Variants in ARHGAP30 observed in about 807,000 individuals in gnomAD.
ARHGAP30 encodes Rho GTPase activating protein 30, also known as rho GTPase-activating protein 30.
ARHGAP30 carries 23 observed loss-of-function variants against 72.0 expected under a neutral mutation model. That is an observed-to-expected ratio of 0.32 (90% CI 0.23 to 0.45). The LOEUF (loss-of-function observed/expected upper bound fraction) is 0.45. ARHGAP30 is among the 20% of genes least tolerant of loss of function. The pLI is 1.00. For missense variants in ARHGAP30, 1,319 were observed against 1,383.4 expected, an observed-to-expected ratio of 0.95 and a Z score of 0.74; for synonymous variants, 576 against 528.2, an observed-to-expected ratio of 1.09 and a Z score of -1.24.
Position 161,051,342 on chromosome 1 carries a change from A to G in ARHGAP30, c.1392T>C (p.Pro464=), listed in dbSNP as rs144785706. The change falls in exon 10 of 12, where the codon CCT becomes CCC. Residue 464 remains proline, a synonymous_variant. Coordinates refer to ENST00000368013, the MANE Select transcript of ARHGAP30 (RefSeq NM_001025598.2). ...HRPSPASGPG[P]GPGLGPGPPD... is the part of the protein sequence containing the mutation. ...GGGGGCCAGGGCCAAGGCCAGGGCC[A>G]GGGCCAGGGCCAGAGGCAGGGCTTG... The G allele has an allele frequency of 5.8e-5, 93 of 1,609,548 alleles. No homozygotes were observed. Among genetic ancestry groups the G allele is most frequent in the African/African-American group, 4.0e-4 (30 of 75,042 alleles).
intron 6 of ARHGAP30, 179 bp downstream of exon 6, chr1:161,053,079 A>T: frequency 1.0e-6 from 1 of 987,698 alleles, no homozygotes; most frequent in Non-Finnish European, 1.5e-6. Flanking sequence ...CCCTAGACTG[A>T]CAGCAGAAGA....
At chr1:161,057,395 A>G (rs1651957652) in intron 2 of ARHGAP30, among the ~76,000 whole-genome samples, 1 of 152,246 alleles carries the variant, frequency 6.6e-6, no homozygotes, top group South Asian at 2.1e-4. Context: ...AAGGGTTTGA[A>G]TAAACATGGT....
At chr1:161,052,240 C>T in intron 9 of ARHGAP30, 46 bp downstream of exon 9, 1 of 1,603,280 alleles carries the variant, frequency 6.2e-7, no homozygotes, top group Non-Finnish European at 8.5e-7. Flanking sequence ...CCACGCTGGT[C>T]ACATAGCACA....
rs1650940384 is a variant in ARHGAP30, at chr1:161,047,544, A to T, written c.*171T>A. 2 of 552,294 alleles carry T rather than the reference A, an allele frequency of 3.6e-6. No homozygotes were observed. Among genetic ancestry groups the T allele is most frequent in the Middle Eastern group, 5.2e-4 (1 of 1,914 alleles). 34.2% of individuals were successfully genotyped at this position (552,294 alleles called of 1,614,324 possible). A position where few individuals can be genotyped will look rare whatever the true frequency, so the allele number is the denominator to read the frequency against. ...AGTGCTTTGTGTCGGAGACAAGTTC[A>T]GGTAAACCAACCAAGGCAGTGCCTC... On this transcript the variant is annotated 3_prime_UTR_variant, in exon 12 of 12. Transcript: ENST00000368013.
In ARHGAP30 at chr1:161,048,412, A is replaced by G. The variant is rs779122532; in HGVS notation, c.2609T>C (p.Leu870Pro). 1.2e-6 allele frequency: 2 copies of G among 1,614,106 alleles called. No individual in the cohort carries two copies. The highest frequency in any genetic ancestry group is 8.5e-7 in the Non-Finnish European group (1 of 1,180,008). Residue 870 changes from leucine (L) to proline (P), a missense_variant, in exon 12 of 12, where the codon CTG (leucine) becomes CCG (proline). By Grantham distance (98) the Leu-to-Pro change is moderately conservative. Transcript: ENST00000368013. Reference protein sequence around the residue: ...TLSEGSGVASLEVDCAKEGNP... With the variant: ...TLSEGSGVASPEVDCAKEGNP... The stretch of plus-strand genomic sequence containing the variant: ...GCCCTCTTTGGCACAGTCAACCTCC[A>G]GGGACGCTACACCTGAACCTTCAGA...
intron 1 of ARHGAP30, among the ~76,000 whole-genome samples, chr1:161,068,586 A>G (rs1652932112): frequency 6.6e-6 from 1 of 152,140 alleles, no homozygotes; most frequent in South Asian, 2.1e-4. Context: ...GGAGTGGGGA[A>G]AGAATTATGC....
chr1:161,048,287 G>A lies in ARHGAP30; in HGVS notation c.2734C>T (p.Pro912Ser). 1 of 1,614,160 alleles carries A rather than the reference G, an allele frequency of 6.2e-7. No homozygotes were observed. The highest frequency in any genetic ancestry group is 8.5e-7 in the Non-Finnish European group (1 of 1,180,010). ...ACGCCACCCAGGCCAAGAGAACAGG[G>A]GCATAGACAGCCGTCTGGACTGGGC... is the stretch of plus-strand genomic sequence containing the variant. ...GQPSPDGCLC[P>S]CSLGLGGVGM... is the part of the protein sequence containing the mutation. Residue 912 changes from proline (P) to serine (S), a missense_variant, in exon 12 of 12, where the codon CCC (proline) becomes TCC (serine). Physicochemically the swap from Pro to Ser is moderately conservative, Grantham distance 74 (BLOSUM62 -1). Coordinates refer to ENST00000368013, the MANE Select transcript of ARHGAP30 (RefSeq NM_001025598.2).
chr1:161,066,692 C>T (rs961571689), intron 1 of ARHGAP30, among the ~76,000 whole-genome samples: 3 of 139,380 alleles, frequency 2.2e-5, no homozygotes, highest in Non-Finnish European at 4.5e-5. Flanking sequence ...GGCAATTGTA[C>T]GACACTGAAA....
Position 161,050,934 on chromosome 1 carries a change from G to A in ARHGAP30, c.1420+380C>T, listed in dbSNP as rs373147001. On this transcript the variant is annotated intron_variant, in intron 10 of 11. Coordinates refer to ENST00000368013, the MANE Select transcript of ARHGAP30 (RefSeq NM_001025598.2). ...TGGGTTTACAGGCATGAGCCACGGCGCCTGGCTGGTACTTAATAAACTCTT... is the reference window on the plus strand; with the variant it reads ...TGGGTTTACAGGCATGAGCCACGGCACCTGGCTGGTACTTAATAAACTCTT... Among the ~76,000 whole-genome samples the A allele has an allele frequency of 6.6e-4, 101 of 152,324 alleles. 2 individuals are homozygous for A. The South Asian group carries it at 0.016, about 24-fold the overall frequency.
At chr1:161,061,037 C>G (rs1053143934) in intron 1 of ARHGAP30, among the ~76,000 whole-genome samples, 1 of 151,546 alleles carries the variant, frequency 6.6e-6, no homozygotes, top group Non-Finnish European at 1.5e-5. Context: ...TTACTTAACA[C>G]TCTACATAAG....
Position 161,047,631 on chromosome 1 carries a change from A to C in ARHGAP30, c.*84T>G, listed in dbSNP as rs1650951054. The stretch of plus-strand genomic sequence containing the variant: ...ATAGAGTTGGGCACTACAGCTGCTC[A>C]TGCTGCAGAGGAGACAGCTAGTCAG... On this transcript the variant is annotated 3_prime_UTR_variant, in exon 12 of 12. Transcript: ENST00000368013. The C allele has an allele frequency of 1.4e-6, 2 of 1,411,814 alleles. No individual in the cohort carries two copies. Among genetic ancestry groups the C allele is most frequent in the Non-Finnish European group, 1.9e-6 (2 of 1,057,476 alleles). 87.5% of individuals were successfully genotyped at this position (1,411,814 alleles called of 1,614,324 possible).
chr1:161,064,825 AAGAAAGAG>A lies in ARHGAP30; in HGVS notation c.97+4695_97+4702del, dbSNP rs771919331. Among the ~76,000 whole-genome samples, 13 of 56,658 alleles carry A rather than the reference AAGAAAGAG, an allele frequency of 2.3e-4. No individual in the cohort carries two copies. The South Asian group carries it at 3.2e-3, about 14-fold the overall frequency. 37.2% of individuals were successfully genotyped at this position (56,658 alleles called of 152,430 possible). ...AAAGAAAGAAAGAAAGAAAGAAAGA[AAGAAAGAG>A]AAAGAAAGAAAGAAAGGAAAGGAAG... On this transcript the variant is annotated intron_variant, in intron 1 of 11. Transcript: ENST00000368013.
chr1:161,063,214 A>T (rs1652453308), intron 1 of ARHGAP30, among the ~76,000 whole-genome samples: 1 of 152,248 alleles, frequency 6.6e-6, no homozygotes, highest in Non-Finnish European at 1.5e-5. Flanking sequence ...CATCTGGCAC[A>T]ATGTTGAAAC....
At chr1:161,063,497 C>T (rs1329872607) in intron 1 of ARHGAP30, among the ~76,000 whole-genome samples, 1 of 152,202 alleles carries the variant, frequency 6.6e-6, no homozygotes, top group Admixed American at 6.5e-5. Flanking sequence ...TCTCTTAATC[C>T]TGTCAGCCAA....
Position 161,052,673 on chromosome 1 carries a change from G to A in ARHGAP30, c.789C>T (p.Pro263=), listed in dbSNP as rs149842140. The A allele has an allele frequency of 2.4e-5, 38 of 1,613,736 alleles. No individual in the cohort carries two copies. Among genetic ancestry groups the A allele is most frequent in the Non-Finnish European group, 2.9e-5 (34 of 1,179,982 alleles). ...LPSILQAGDG[P]PQMRPYHTII... ...TAGTATGGTAGGGCCGCATCTGTGG[G>A]GGTCCATCGCCAGCCTGCAGTATGC... Residue 263 remains proline (P), a synonymous_variant, in exon 7 of 12, where the codon CCC becomes CCT. Coordinates refer to ENST00000368013, the MANE Select transcript of ARHGAP30 (RefSeq NM_001025598.2).
In ARHGAP30 at chr1:161,047,936, G is replaced by A; in HGVS notation, c.3085C>T (p.Leu1029Phe). 6.2e-7 allele frequency: 1 copy of A among 1,613,686 alleles called. No individual in the cohort carries two copies. Among genetic ancestry groups the A allele is most frequent in the Non-Finnish European group, 8.5e-7 (1 of 1,179,816 alleles). The change falls in exon 12 of 12, where the codon CTC becomes TTC. Residue 1029 changes from leucine to phenylalanine, a missense_variant. By Grantham distance (22) the Leu-to-Phe change is conservative (BLOSUM62 0). This residue lies in a region of ARHGAP30 where 1,097 missense variants were observed against 1,045.2 expected (regional missense o/e 1.05). Coordinates refer to ENST00000368013, the MANE Select transcript of ARHGAP30 (RefSeq NM_001025598.2). ...CTACAAGGGGAGGTTCTGGGGATGA[G>A]GCAGTAATCCCCACCCTCAGTACAG... is the stretch of plus-strand genomic sequence containing the variant. The part of the protein sequence containing the change: ...QTCTEGGDYC[L>F]IPRTSPCSMI...
At chr1:161,051,218 G>A in intron 10 of ARHGAP30, 96 bp downstream of exon 10, 2 of 1,490,600 alleles carry the variant, frequency 1.3e-6, no homozygotes, top group Non-Finnish European at 1.8e-6. Context: ...AAGGGCTGAG[G>A]CCTCTGCCCT....
At position 161,047,017 on chromosome 1, in the gene ARHGAP30, G is replaced by A. The variant is rs142068425; in HGVS notation, c.*698C>T. ...GGGACCTGTGGCCCCAGCCTGGCTGGAGAAGCAGTCCCAGGGCCTGAGTGA... is the reference window on the plus strand; with the variant it reads ...GGGACCTGTGGCCCCAGCCTGGCTGAAGAAGCAGTCCCAGGGCCTGAGTGA... On this transcript the variant is annotated 3_prime_UTR_variant, in exon 12 of 12. Transcript: ENST00000368013. 29 of 469,406 alleles carry A rather than the reference G, an allele frequency of 6.2e-5. No homozygotes were observed. Among genetic ancestry groups the A allele is most frequent in the African/African-American group, 4.8e-4 (24 of 50,040 alleles). 29.1% of individuals were successfully genotyped at this position (469,406 alleles called of 1,614,324 possible). A position where few individuals can be genotyped will look rare whatever the true frequency, so the allele number is the denominator to read the frequency against.
chr1:161,051,211 G>A, intron 10 of ARHGAP30, 103 bp downstream of exon 10: 1 of 1,486,248 alleles, frequency 6.7e-7, no homozygotes. Context: ...AAAGCCCAAG[G>A]GCTGAGGCCT....
Sources: gnomAD v4.1 joint callset for allele counts (sites outside exome capture counted in the v4.1 genomes callset) on GRCh38, gnomAD v4.1.1 for gene constraint, gnomAD v4.1.1 regional missense constraint, MANE v1.5 for transcripts, NCBI Gene and HGNC (gene_info 2026-07-23, HGNC 2026-07-21) for gene names.